Variants in NIPAL2 observed in about 807,000 individuals in gnomAD.
NIPAL2 encodes NIPA-like protein 2.
A neutral mutation model predicts 48.9 loss-of-function variants in NIPAL2; 43 were observed. The ratio of observed to expected loss-of-function variants is 0.88; its 90% CI spans 0.69 to 1.13. The LOEUF (loss-of-function observed/expected upper bound fraction) is 1.13, where lower values mean the gene tolerates loss of function less well. Among genes scored for constraint, NIPAL2 ranks in the 50% most tolerant of loss-of-function variants. The probability of loss-of-function intolerance (pLI) is 0.00; values close to 1 mark genes in which losing one functional copy is unlikely to be tolerated. For missense variants in NIPAL2, 446 were observed against 461.4 expected (o/e 0.97, Z 0.31); for synonymous variants, 167 against 174.6 (o/e 0.96, Z 0.34).
chr8:98,260,700 G>A (rs1287828469), intron 1 of NIPAL2, among the ~76,000 whole-genome samples: 1 of 152,260 alleles, frequency 6.6e-6, no homozygotes, highest in Admixed American at 6.5e-5. Flanking sequence ...CGAGGCTGGG[G>A]GAGGGGTGCC....
At chr8:98,222,338 A>G (rs970423392) in intron 5 of NIPAL2, 141 bp downstream of exon 5, 35 of 802,498 alleles carry the variant, frequency 4.4e-5, no homozygotes, top group Non-Finnish European at 5.9e-5. Flanking sequence ...TATTTCAAAT[A>G]CTTTGGTATT....
At chr8:98,231,918 G>A (rs1812458791) in intron 4 of NIPAL2, 1 of 152,098 alleles carries the variant, frequency 6.6e-6, no homozygotes. Context: ...TTTTTAGCAT[G>A]TTCATATGTT....
chr8:98,221,544 G>GT lies in NIPAL2; in HGVS notation c.558+934dup, dbSNP rs199777419. Among the ~76,000 whole-genome samples the GT allele has an allele frequency of 1.0e-3, 153 of 151,436 alleles. 1 individual carries two copies. Among genetic ancestry groups the GT allele is most frequent in the African/African-American group, 3.6e-3 (148 of 41,288 alleles). On this transcript the variant is annotated intron_variant, in intron 5 of 10. Transcript: ENST00000430223. ...AGGGCAGTTTGTCTACATCTATCAAGTTTTTTTTTAAATTATTATACTTTA... is the reference window on the plus strand; with the variant it reads ...AGGGCAGTTTGTCTACATCTATCAAGTTTTTTTTTTAAATTATTATACTTTA...
intron 1 of NIPAL2, among the ~76,000 whole-genome samples, chr8:98,256,060 G>C (rs1475432253): frequency 6.6e-6 from 1 of 151,574 alleles, no homozygotes; most frequent in Non-Finnish European, 1.5e-5. Flanking sequence ...CTGTCACCCA[G>C]GCCAGAGTGC....
intron 1 of NIPAL2, among the ~76,000 whole-genome samples, chr8:98,266,004 A>T (rs1248377569): frequency 6.6e-6 from 1 of 151,478 alleles, no homozygotes; most frequent in Admixed American, 6.6e-5. Context: ...AAATTGGAAA[A>T]CATCATTCTC....
In NIPAL2 at chr8:98,212,466, A is replaced by C; in HGVS notation, c.594T>G (p.Tyr198Ter). ...GCTTCATTCCTTTTCTTTTATAGAA[A>C]TACAGGAGAATGCAGAAAATTAATA... ...LEILIFCILLYFYKRKGMKHM... is the reference protein window; with the variant it reads ...LEILIFCILL Residue 198 changes from tyrosine (Y) to a stop codon, truncating the protein, a stop_gained, in exon 6 of 11, where the codon TAT (tyrosine) becomes TAG (stop). Coordinates refer to ENST00000430223, the MANE Select transcript of NIPAL2 (RefSeq NM_001321635.2). LOFTEE classifies it high-confidence loss of function. 3 of 1,556,922 alleles carry C rather than the reference A, an allele frequency of 1.9e-6. No homozygotes were observed. The highest frequency in any genetic ancestry group is 2.7e-6 in the Non-Finnish European group (3 of 1,128,898).
chr8:98,252,344 G>C lies in NIPAL2; in HGVS notation c.376+119C>G, dbSNP rs895865389. On this transcript the variant is annotated intron_variant, in intron 3 of 10. Transcript: ENST00000430223. The stretch of plus-strand genomic sequence containing the variant: ...AGCAGAATAATTGTTCCATGTTAAC[G>C]TGATAAGAAACCAGGCAATAGACTT... 3 of 920,584 alleles carry C rather than the reference G, an allele frequency of 3.3e-6. No individual in the cohort carries two copies. In the African/African-American group the frequency reaches 5.1e-5, roughly 16 times the overall value. The allele number at this position is 920,584 out of a possible 1,614,324, so 57.0% of individuals were successfully genotyped here.
chr8:98,241,042 C>A (rs960348222), intron 3 of NIPAL2, among the ~76,000 whole-genome samples: 4 of 152,182 alleles, frequency 2.6e-5, no homozygotes, highest in Admixed American at 6.5e-5. Flanking sequence ...GTGCATGGAC[C>A]AAGCTGTGCT....
At chr8:98,230,323 C>T (rs557157268) in intron 4 of NIPAL2, among the ~76,000 whole-genome samples, 6 of 152,270 alleles carry the variant, frequency 3.9e-5, no homozygotes, top group African/African-American at 1.4e-4. Flanking sequence ...GGTTATTTTT[C>T]TGGCCTTAAG....
chr8:98,243,048 T>C (rs1365541731), intron 3 of NIPAL2, among the ~76,000 whole-genome samples: 2 of 152,228 alleles, frequency 1.3e-5, no homozygotes, highest in Non-Finnish European at 2.9e-5. Flanking sequence ...ACAGCAGGAA[T>C]ACTATCCGTA....
intron 9 of NIPAL2, 89 bp from the exon 10 acceptor site, chr8:98,194,911 A>G: frequency 3.0e-6 from 2 of 676,808 alleles, no homozygotes; most frequent in Non-Finnish European, 4.5e-6. Flanking sequence ...ACATGATGAC[A>G]TAAATCCCAT....
chr8:98,293,576 T>G (rs1019406998), intron 1 of NIPAL2, among the ~76,000 whole-genome samples: 2 of 152,256 alleles, frequency 1.3e-5, no homozygotes, highest in Admixed American at 1.3e-4. Context: ...ATGAGTTTTC[T>G]GCTTCTGATA....
rs1312238553 is a variant in NIPAL2 at position 98,294,129 on chromosome 8, C to T, written c.9G>A (p.Ala3=). 1.4e-6 allele frequency: 2 copies of T among 1,462,056 alleles called. No homozygotes were observed. The highest frequency in any genetic ancestry group is 1.3e-5 in the South Asian group (1 of 74,288). 90.6% of individuals were successfully genotyped at this position (1,462,056 alleles called of 1,614,324 possible). A position where few individuals can be genotyped will look rare whatever the true frequency, so the allele number is the denominator to read the frequency against. ...AGTCCCCGGGGCCCGCGGGCGCCAC[C>T]GCTGCCATGAGGTCTCGCTCCCGGC... The part of the protein sequence containing the change: MA[A]VAPAGPGDSA... Residue 3 remains alanine (A), a synonymous_variant, in exon 1 of 11, where the codon GCG becomes GCA. Transcript: ENST00000430223.
chr8:98,256,996 A>C (rs1813936140), intron 1 of NIPAL2, among the ~76,000 whole-genome samples: 1 of 152,220 alleles, frequency 6.6e-6, no homozygotes, highest in Non-Finnish European at 1.5e-5. Flanking sequence ...TTCAATATAC[A>C]CTACAACATG....
At chr8:98,240,611 A>T (rs895408074) in intron 3 of NIPAL2, among the ~76,000 whole-genome samples, 2 of 152,174 alleles carry the variant, frequency 1.3e-5, no homozygotes, top group Admixed American at 1.3e-4. Flanking sequence ...AAGGGGGTCT[A>T]ATCTGAGCTG....
At chr8:98,220,314 C>T (rs1004869713) in intron 5 of NIPAL2, among the ~76,000 whole-genome samples, 1 of 152,014 alleles carries the variant, frequency 6.6e-6, no homozygotes, top group African/African-American at 2.4e-5. Flanking sequence ...AAAGTAGGAT[C>T]ATACTATTTT....
intron 5 of NIPAL2, among the ~76,000 whole-genome samples, chr8:98,217,751 T>C (rs1811646980): frequency 6.6e-6 from 1 of 152,260 alleles, no homozygotes; most frequent in Non-Finnish European, 1.5e-5. Flanking sequence ...AGTGACTTTA[T>C]TAAAGGTTTA....
chr8:98,205,357 G>T, intron 6 of NIPAL2, 111 bp from the exon 7 acceptor site: 1 of 967,788 alleles, frequency 1.0e-6, no homozygotes, highest in Non-Finnish European at 1.5e-6. Context: ...GTTTAAGAAT[G>T]AACACAGTTG....
chr8:98,266,721 C>T (rs1202387917), intron 1 of NIPAL2, among the ~76,000 whole-genome samples: 6 of 151,840 alleles, frequency 4.0e-5, no homozygotes, highest in Admixed American at 2.0e-4. Flanking sequence ...CACCATTACA[C>T]ATGCGAGCAA....
Sources: gnomAD v4.1 joint callset for allele counts (sites outside exome capture counted in the v4.1 genomes callset) on GRCh38, gnomAD v4.1.1 for gene constraint, MANE v1.5 for transcripts, NCBI Gene and HGNC (gene_info 2026-07-23, HGNC 2026-07-21) for gene names.